The following RAB10 variants were observed in gnomAD, a reference collection of about 807,000 sequenced individuals.
RAB10 encodes the protein ras-related protein Rab-10.
In RAB10, 5 loss-of-function variants were observed where a neutral mutation model predicts 25.7. The observed-to-expected ratio is 0.19, with a 90% CI of 0.10 to 0.41. The LOEUF is 0.41. Among genes scored for constraint, RAB10 ranks in the 10% least tolerant of loss-of-function variants. The probability of loss-of-function intolerance (pLI) is 1.00; values close to 1 mark genes in which losing one functional copy is unlikely to be tolerated. For missense variants in RAB10, 103 were observed against 245.8 expected, an observed-to-expected ratio of 0.42 and a Z score of 3.89; for synonymous variants, 89 against 86.4, an observed-to-expected ratio of 1.03 and a Z score of -0.16.
intron 1 of RAB10, among the ~76,000 whole-genome samples, chr2:26,036,328 G>C (rs922059106): frequency 6.6e-6 from 1 of 152,152 alleles, no homozygotes; most frequent in Non-Finnish European, 1.5e-5. Flanking sequence ...AGTCTAAATC[G>C]TGAGGAGTTT....
chr2:26,083,900 A>C lies in RAB10; in HGVS notation c.128-14762A>C, dbSNP rs534600004. Among the ~76,000 whole-genome samples, 65 of 152,202 alleles carry C rather than the reference A, an allele frequency of 4.3e-4. 2 individuals carry two copies. In the South Asian group the frequency reaches 0.013, roughly 30 times the overall value. ...ATATTATTTACAATAGCATCCAACA[A>C]ATGAAAATGAAATGGGGATAAATTT... On this transcript the variant is annotated intron_variant, in intron 1 of 5. Coordinates refer to ENST00000264710, the MANE Select transcript of RAB10 (RefSeq NM_016131.5).
At chr2:26,099,302 A>G (rs1278145837) in intron 2 of RAB10, among the ~76,000 whole-genome samples, 15 of 152,198 alleles carry the variant, frequency 9.9e-5, no homozygotes, top group Admixed American at 9.8e-4. Flanking sequence ...ATTGAGGTAT[A>G]ATCTAACTGA....
chr2:26,087,261 C>T (rs1667006967), intron 1 of RAB10, among the ~76,000 whole-genome samples: 1 of 152,052 alleles, frequency 6.6e-6, no homozygotes, highest in African/African-American at 2.4e-5. Flanking sequence ...ACCTTGAACT[C>T]CCTGTTTTAT....
At chr2:26,061,092 CTTTTTTTTTTTT>C (rs5829993) in intron 1 of RAB10, among the ~76,000 whole-genome samples, 8 of 83,642 alleles carry the variant, frequency 9.6e-5, no homozygotes, top group Admixed American at 1.8e-4. Flanking sequence ...TTATCTCTGT[CTTTTTTTTTTTT>C]TTTTTTTTTT....
chr2:26,079,882 A>G (rs190675639), intron 1 of RAB10, among the ~76,000 whole-genome samples: 75 of 151,866 alleles, frequency 4.9e-4, no homozygotes, highest in Non-Finnish European at 8.5e-4. Flanking sequence ...CCCAGGCTGA[A>G]CTCCTGGGCT....
At chr2:26,085,636 A>G (rs1400187050) in intron 1 of RAB10, among the ~76,000 whole-genome samples, 1 of 152,170 alleles carries the variant, frequency 6.6e-6, no homozygotes, top group African/African-American at 2.4e-5. Context: ...GAAAAGAAGT[A>G]AAAAGACGGT....
intron 1 of RAB10, among the ~76,000 whole-genome samples, chr2:26,073,856 G>C (rs1458915626): frequency 6.6e-6 from 1 of 152,166 alleles, no homozygotes; most frequent in East Asian, 1.9e-4. Flanking sequence ...TGACTGAATA[G>C]AATCGGAGGG....
chr2:26,044,594 G>A (rs1034091687), intron 1 of RAB10, among the ~76,000 whole-genome samples: 11 of 151,338 alleles, frequency 7.3e-5, no homozygotes, highest in African/African-American at 2.7e-4. Context: ...TCCCGAGGCT[G>A]GAGTGCAGTT....
intron 1 of RAB10, among the ~76,000 whole-genome samples, chr2:26,061,576 A>T (rs1203426699): frequency 6.6e-6 from 1 of 151,900 alleles, no homozygotes; most frequent in Non-Finnish European, 1.5e-5. Context: ...TTTTTGGTAG[A>T]GACAGGGTCT....
chr2:26,105,501 T>A (rs1667449287), intron 2 of RAB10, among the ~76,000 whole-genome samples: 1 of 151,804 alleles, frequency 6.6e-6, no homozygotes, highest in African/African-American at 2.4e-5. Context: ...CTAAAAATAT[T>A]AAAATTAGCT....
chr2:26,096,964 G>T (rs1302413511), intron 1 of RAB10, among the ~76,000 whole-genome samples: 1 of 152,196 alleles, frequency 6.6e-6, no homozygotes, highest in African/African-American at 2.4e-5. Context: ...GCTCACGCCT[G>T]TAATCCTAGC....
intron 2 of RAB10, among the ~76,000 whole-genome samples, chr2:26,107,579 T>G (rs986326748): frequency 6.6e-6 from 1 of 152,084 alleles, no homozygotes; most frequent in Non-Finnish European, 1.5e-5. Flanking sequence ...GCTGATCACC[T>G]GAGGTCAGGA....
chr2:26,071,765 G>A (rs768017274), intron 1 of RAB10, among the ~76,000 whole-genome samples: 4 of 152,032 alleles, frequency 2.6e-5, no homozygotes, highest in Middle Eastern at 6.8e-3. Context: ...TACCCAAGAG[G>A]CTGAAGCGGG....
Position 26,134,946 on chromosome 2 carries a change from A to G in RAB10, c.528A>G (p.Val176=). ...TTGTGTGTTTGTTGCAGACCCCTGTAAAAGAGCCCAACAGTGAAAATGTAG... is the reference window on the plus strand; with the variant it reads ...TTGTGTGTTTGTTGCAGACCCCTGTGAAAGAGCCCAACAGTGAAAATGTAG... ...LAEDILRKTP[V]KEPNSENVDI... Residue 176 remains valine (V), a synonymous_variant, in exon 6 of 6, where the codon GTA becomes GTG. Transcript: ENST00000264710. 2 of 1,613,088 alleles carry G rather than the reference A, an allele frequency of 1.2e-6. No individual in the cohort carries two copies. Among genetic ancestry groups the G allele is most frequent in the Non-Finnish European group, 1.7e-6 (2 of 1,179,226 alleles).
chr2:26,116,548 G>GTTT lies in RAB10; in HGVS notation c.327+6666_327+6668dup, dbSNP rs70950170. On this transcript the variant is annotated intron_variant, in intron 3 of 5. Coordinates refer to ENST00000264710, the MANE Select transcript of RAB10 (RefSeq NM_016131.5). ...TTTCTTTTCTTTCTTTCTGTCTTGT[G>GTTT]TTTTTTTTTTTTTTTTTTTTTTTTT... 2.6e-4 allele frequency among the ~76,000 whole-genome samples: 16 copies of GTTT among 62,636 alleles called. 1 individual carries two copies. The highest frequency in any genetic ancestry group is 6.3e-4 in the East Asian group (1 of 1,596). 41.1% of individuals were successfully genotyped at this position (62,636 alleles called of 152,430 possible).
intron 1 of RAB10, among the ~76,000 whole-genome samples, chr2:26,053,600 G>A (rs1666180506): frequency 6.6e-6 from 1 of 152,034 alleles, no homozygotes; most frequent in Non-Finnish European, 1.5e-5. Flanking sequence ...TTTGAAACCT[G>A]GTAAATATTC....
chr2:26,093,682 G>A (rs1052985091), intron 1 of RAB10, among the ~76,000 whole-genome samples: 1 of 152,114 alleles, frequency 6.6e-6, no homozygotes, highest in African/African-American at 2.4e-5. Flanking sequence ...TATGCTAAAC[G>A]AGAGACATGA....
At chr2:26,114,141 G>A (rs1178671915) in intron 3 of RAB10, among the ~76,000 whole-genome samples, 3 of 152,082 alleles carry the variant, frequency 2.0e-5, no homozygotes, top group Non-Finnish European at 2.9e-5. Flanking sequence ...ATATTAAGAT[G>A]GCATTACTAC....
intron 2 of RAB10, among the ~76,000 whole-genome samples, chr2:26,102,441 T>TTC (rs1464334432): frequency 2.6e-4 from 38 of 144,774 alleles, no homozygotes; most frequent in African/African-American, 8.4e-4. Context: ...TTTTCTTTCT[T>TTC]TTTTTTTTTT....
Sources: allele counts gnomAD v4.1 joint callset (sites outside exome capture counted in the v4.1 genomes callset), GRCh38; gene constraint gnomAD v4.1.1; transcripts MANE v1.5; gene names NCBI Gene and HGNC (gene_info 2026-07-23, HGNC 2026-07-21).